ABCB8: variants seen among roughly 807,000 people sequenced by gnomAD.
ABCB8 encodes mitochondrial potassium channel ATP-binding subunit.
Under a neutral mutation model 73.0 loss-of-function variants are expected in ABCB8, and 52 were observed. That is an observed-to-expected ratio of 0.71 (90% confidence interval 0.57 to 0.90). The LOEUF is 0.90. Ranked by LOEUF, ABCB8 falls within the 40% of genes least tolerant of loss-of-function variation. The probability of loss-of-function intolerance (pLI) is 0.00; values close to 1 mark genes in which losing one functional copy is unlikely to be tolerated. For synonymous variants in ABCB8, 428 were observed against 423.5 expected (o/e 1.01, Z -0.13); for missense variants, 909 against 974.6 (o/e 0.93, Z 0.90).
intron 5 of ABCB8, 135 bp downstream of exon 5, chr7:151,034,964 A>C (rs1311432851): frequency 2.7e-6 from 2 of 741,342 alleles, no homozygotes; most frequent in African/African-American, 3.5e-5. Flanking sequence ...ACTGCCTGTG[A>C]GGGCATGGGT....
intron 1 of ABCB8, chr7:151,031,718 T>G (rs1157611023): frequency 1.3e-5 from 2 of 153,294 alleles, no homozygotes; most frequent in Non-Finnish European, 2.9e-5. Context: ...TGTGACCTCC[T>G]CCTCCCAGGT....
rs1448392389 is a variant in ABCB8 at position 151,028,618 on chromosome 7, C to T, written c.95+8C>T. 4 of 1,612,618 alleles carry T rather than the reference C, an allele frequency of 2.5e-6. No individual in the cohort carries two copies. The highest frequency in any genetic ancestry group is 1.3e-5 in the African/African-American group (1 of 74,894). On this transcript the variant is annotated splice_region_variant and intron_variant, in intron 1 of 15. Coordinates refer to ENST00000358849, the MANE Select transcript of ABCB8 (RefSeq NM_007188.5). Reference sequence around the variant, plus strand: ...GACATTCTCAGCTGTCAGGTAAAAACGGAAAAACCTACTCAGAGCGGGCCA... The same window carrying T: ...GACATTCTCAGCTGTCAGGTAAAAATGGAAAAACCTACTCAGAGCGGGCCA...
At chr7:151,041,771 C>T (rs978912351) in intron 13 of ABCB8, among the ~76,000 whole-genome samples, 190 bp from the exon 14 acceptor site, 2 of 152,228 alleles carry the variant, frequency 1.3e-5, no homozygotes, top group African/African-American at 4.8e-5. Flanking sequence ...GGTAGGAAGT[C>T]GAACTGTCCT....
chr7:151,035,520 A>T, intron 5 of ABCB8, 61 bp from the exon 6 acceptor site: 1 of 1,523,126 alleles, frequency 6.6e-7, no homozygotes, highest in African/African-American at 1.4e-5. Context: ...TGACCCTTGG[A>T]AAAGTCCTTC....
rs1222118197 is a variant in ABCB8, at chr7:151,037,282, A to G, written c.1217+633A>G. The G allele has an allele frequency of 1.1e-5, 8 of 703,024 alleles. 1 individual carries two copies. The South Asian group carries it at 1.2e-4, about 10-fold the overall frequency. 43.5% of individuals were successfully genotyped at this position (703,024 alleles called of 1,614,324 possible). A position where few individuals can be genotyped will look rare whatever the true frequency, so the allele number is the denominator to read the frequency against. ...CCCTGTCCGAATTCCCTTCCGCTGC[A>G]GGCTGTGACATTCCATGCATGGAAG... On this transcript the variant is annotated intron_variant, in intron 9 of 15. Coordinates refer to ENST00000358849, the MANE Select transcript of ABCB8 (RefSeq NM_007188.5).
At position 151,033,685 on chromosome 7, in the gene ABCB8, G is replaced by A. The variant is rs773593647; in HGVS notation, c.176G>A (p.Arg59Gln). 125 of 1,611,872 alleles carry A rather than the reference G, an allele frequency of 7.8e-5. No individual in the cohort carries two copies. In the South Asian group the frequency reaches 9.2e-4, roughly 12 times the overall value. Residue 59 changes from arginine (R) to glutamine (Q), a missense_variant, in exon 2 of 16, where the codon CGA (arginine) becomes CAA (glutamine). Coordinates refer to ENST00000358849, the MANE Select transcript of ABCB8 (RefSeq NM_007188.5). ...TCCCAGCTCTGGGCCCACCTCCCTC[G>A]AGCCCCCCTAGCTCCCAGATGGAGC... ...LRSQLWAHLP[R>Q]APLAPRWSPS...
In ABCB8 at chr7:151,038,695, T is replaced by C. The variant is rs1279729775; in HGVS notation, c.1218-1573T>C. The C allele has an allele frequency of 2.6e-5, 4 of 152,140 alleles. No homozygotes were observed. The East Asian group carries it at 7.7e-4, about 29-fold the overall frequency. The allele number at this position is 152,140 out of a possible 1,614,324, so 9.4% of individuals were successfully genotyped here. On this transcript the variant is annotated intron_variant, in intron 9 of 15. Coordinates refer to ENST00000358849, the MANE Select transcript of ABCB8 (RefSeq NM_007188.5). ...CTGACTTTACCTCCCACCGTACTGCTTGGCCATCCAGCAGCTTTATGACAC... is the reference window on the plus strand; with the variant it reads ...CTGACTTTACCTCCCACCGTACTGCCTGGCCATCCAGCAGCTTTATGACAC...
chr7:151,040,577 G>A lies in ABCB8; in HGVS notation c.1331G>A (p.Cys444Tyr), dbSNP rs753364808. The A allele has an allele frequency of 6.2e-7, 1 of 1,613,218 alleles. No homozygotes were observed. Among genetic ancestry groups the A allele is most frequent in the Non-Finnish European group, 8.5e-7 (1 of 1,179,936 alleles). ...LNPCIPLSGG[C>Y]CVPKEQLRGS... ...CCCTGCATCCCACTGTCTGGGGGCT[G>A]CTGCGTCCCCAAAGAGCAGCTGCGT... The change falls in exon 11 of 16, where the codon TGC becomes TAC. Residue 444 changes from cysteine to tyrosine, a missense_variant. By Grantham distance (194) the Cys-to-Tyr change is radical. Coordinates refer to ENST00000358849, the MANE Select transcript of ABCB8 (RefSeq NM_007188.5).
chr7:151,042,148 C>A (rs1796485682), intron 14 of ABCB8, 40 bp downstream of exon 14: 1 of 1,606,726 alleles, frequency 6.2e-7, no homozygotes, highest in African/African-American at 1.3e-5. Context: ...TGGTGAGGCA[C>A]TGGGACACAG....
At chr7:151,035,846 C>G (rs1413718620) in intron 6 of ABCB8, 36 bp from the exon 7 acceptor site, 1 of 1,611,402 alleles carries the variant, frequency 6.2e-7, no homozygotes, top group Non-Finnish European at 8.5e-7. Flanking sequence ...GTCCTGTTTT[C>G]TGGACTCCTT....
chr7:151,028,990 G>C, intron 1 of ABCB8: 1 of 1,225,286 alleles, frequency 8.2e-7, no homozygotes, highest in South Asian at 1.4e-5. Context: ...GATTCAAAGT[G>C]AGTCGAAGAA....
Position 151,044,127 on chromosome 7 carries a change from G to A in ABCB8, c.1922G>A (p.Ser641Asn). Residue 641 changes from serine (S) to asparagine (N), a missense_variant, in exon 15 of 16, where the codon AGT becomes AAT. Coordinates refer to ENST00000358849, the MANE Select transcript of ABCB8 (RefSeq NM_007188.5). ...GTACAGGAGGCCCTGGACCGGGCCA[G>A]TGCAGGCCGCACGGTGCTGGTAATT... ...RVVQEALDRA[S>N]AGRTVLVIAH... 1.2e-6 allele frequency: 2 copies of A among 1,613,988 alleles called. No individual in the cohort carries two copies. The highest frequency in any genetic ancestry group is 1.7e-6 in the Non-Finnish European group (2 of 1,179,974).
At position 151,028,894 on chromosome 7, in the gene ABCB8, C is replaced by G. The variant is rs772083609; in HGVS notation, c.95+284C>G. 2.7e-6 allele frequency: 4 copies of G among 1,479,060 alleles called. No individual in the cohort carries two copies. The African/African-American group carries it at 5.5e-5, about 20-fold the overall frequency. The allele number at this position is 1,479,060 out of a possible 1,614,324, so 91.6% of individuals were successfully genotyped here. A position where few individuals can be genotyped will look rare whatever the true frequency, so the allele number is the denominator to read the frequency against. On this transcript the variant is annotated intron_variant, in intron 1 of 15. Transcript: ENST00000358849. ...AGTCCGCACTCCCGACCGGGGGTCC[C>G]CTTTCCTGGCCCTGGAGGTGATTGC...
chr7:151,042,940 C>T (rs1382559946), intron 14 of ABCB8, among the ~76,000 whole-genome samples: 1 of 152,206 alleles, frequency 6.6e-6, no homozygotes, highest in Admixed American at 6.5e-5. Context: ...GTGGCACTTT[C>T]CTTGTGTCTC....
At position 151,040,640 on chromosome 7, in the gene ABCB8, C is replaced by G; in HGVS notation, c.1388+6C>G. 6.2e-7 allele frequency: 1 copy of G among 1,610,022 alleles called. No individual in the cohort carries two copies. The highest frequency in any genetic ancestry group is 1.1e-5 in the South Asian group (1 of 90,906). Reference sequence around the variant, plus strand: ...TTTCAGAACGTCTGCTTCAGGTCAGCACGGGTGAGCAGGCGTGGGGATGGG... The same window carrying G: ...TTTCAGAACGTCTGCTTCAGGTCAGGACGGGTGAGCAGGCGTGGGGATGGG... On this transcript the variant is annotated splice_donor_region_variant and intron_variant, in intron 11 of 15. Transcript: ENST00000358849.
rs148191540 is a variant in ABCB8, at chr7:151,042,048, C to T, written c.1705C>T (p.Arg569Trp). 213 of 1,613,036 alleles carry T rather than the reference C, an allele frequency of 1.3e-4. No individual in the cohort carries two copies. The highest frequency in any genetic ancestry group is 2.5e-4 in the Admixed American group (15 of 60,006). ...ASDEEVYTAA[R>W]EANAHEFITS... ...CGATGAAGAGGTGTACACAGCCGCCCGGGAAGCGAATGCTCACGAGTTCAT... is the reference window on the plus strand; with the variant it reads ...CGATGAAGAGGTGTACACAGCCGCCTGGGAAGCGAATGCTCACGAGTTCAT... The change falls in exon 14 of 16, where the codon CGG (arginine) becomes TGG (tryptophan). Residue 569 changes from arginine (R) to tryptophan (W), a missense_variant. Transcript: ENST00000358849.
At position 151,036,588 on chromosome 7, in the gene ABCB8, G is replaced by A. The variant is rs746017454; in HGVS notation, c.1156G>A (p.Gly386Arg). The change falls in exon 9 of 16, where the codon GGA becomes AGA. Residue 386 changes from glycine to arginine, a missense_variant. Transcript: ENST00000358849. ...ATTTATTGGGGGCTCCCTTGTGGCC[G>A]GACAGCAGCTGACAGGGGGAGACCT... ...TLFIGGSLVA[G>R]QQLTGGDLMS... 2.4e-5 allele frequency: 39 copies of A among 1,613,772 alleles called. No individual in the cohort carries two copies. In the Middle Eastern group the frequency reaches 6.6e-4, roughly 27 times the overall value.
intron 1 of ABCB8, among the ~76,000 whole-genome samples, chr7:151,032,504 G>A (rs532219917): frequency 6.6e-6 from 1 of 152,110 alleles, no homozygotes; most frequent in Non-Finnish European, 1.5e-5. Flanking sequence ...GACCAGCCTG[G>A]CCAATAAAGC....
In ABCB8 at chr7:151,041,098, G is replaced by A; in HGVS notation, c.1484-1G>A. 1 of 1,613,686 alleles carries A rather than the reference G, an allele frequency of 6.2e-7. No individual in the cohort carries two copies. The highest frequency in any genetic ancestry group is 1.1e-5 in the South Asian group (1 of 91,090). ...CCCTCCCTCTCAACCCAATTCCCCAGGAAAGACCACCGTGGCTTCCCTGCT... is the reference window on the plus strand; with the variant it reads ...CCCTCCCTCTCAACCCAATTCCCCAAGAAAGACCACCGTGGCTTCCCTGCT... On this transcript the variant is annotated splice_acceptor_variant, in intron 12 of 15. Coordinates refer to ENST00000358849, the MANE Select transcript of ABCB8 (RefSeq NM_007188.5). LOFTEE classifies it high-confidence loss of function.
Sources: allele counts gnomAD v4.1 joint callset (sites outside exome capture counted in the v4.1 genomes callset), GRCh38; gene constraint gnomAD v4.1.1; transcripts MANE v1.5; gene names NCBI Gene and HGNC (gene_info 2026-07-23, HGNC 2026-07-21).